Variants in ANKAR observed in about 807,000 individuals in gnomAD.
ANKAR encodes the protein ankyrin and armadillo repeat containing, also known as ankyrin and armadillo repeat-containing protein.
Under a neutral mutation model 146.2 loss-of-function variants are expected in ANKAR, and 136 were observed. The observed-to-expected ratio is 0.93, with a 90% CI of 0.81 to 1.07. The LOEUF (loss-of-function observed/expected upper bound fraction) is 1.07, where lower values mean the gene tolerates loss of function less well. Ranked by LOEUF, ANKAR falls within the 50% of genes least tolerant of loss-of-function variation. The pLI is 0.00. For missense variants in ANKAR, 1,567 were observed against 1,679.9 expected (o/e 0.93, Z 1.18); for synonymous variants, 500 against 575.8 (o/e 0.87, Z 1.88).
chr2:189,759,950 G>A (rs1017858071), intron 18 of ANKAR, among the ~76,000 whole-genome samples: 1 of 151,952 alleles, frequency 6.6e-6, no homozygotes, highest in African/African-American at 2.4e-5. Context: ...ATTAGGGAGT[G>A]GTGATGACTC....
intron 18 of ANKAR, among the ~76,000 whole-genome samples, chr2:189,757,622 T>C (rs890243158): frequency 2.6e-5 from 4 of 152,216 alleles, no homozygotes; most frequent in African/African-American, 9.6e-5. Flanking sequence ...GTATCAAATG[T>C]AGTAAATGGT....
intron 18 of ANKAR, among the ~76,000 whole-genome samples, chr2:189,757,020 A>G (rs187823454): frequency 3.9e-4 from 59 of 152,266 alleles, no homozygotes; most frequent in Admixed American, 1.4e-3. Context: ...ATTATGCTAA[A>G]CACTAGGGCC....
chr2:189,675,672 A>G (rs778002845), intron 1 of ANKAR, among the ~76,000 whole-genome samples: 2 of 152,166 alleles, frequency 1.3e-5, no homozygotes, highest in Non-Finnish European at 2.9e-5. Context: ...CATGCAGGTC[A>G]GTATAGTCTT....
chr2:189,720,769 TTTCTGAG>T lies in ANKAR; in HGVS notation c.2624_2630del (p.Ser875IlefsTer5), dbSNP rs760423252. ...TAAAGGCCTCCCATATCTTATCAGA[TTTCTGAG>T]TTCTGATTCAGGTGAGCTTCTATCT... On this transcript the variant is annotated frameshift_variant, in exon 12 of 23. Coordinates refer to ENST00000684021, the MANE Select transcript of ANKAR (RefSeq NM_001378068.1). LOFTEE classifies it high-confidence loss of function. 2.0e-6 allele frequency: 3 copies of T among 1,495,018 alleles called. No homozygotes were observed. The highest frequency in any genetic ancestry group is 2.7e-6 in the Non-Finnish European group (3 of 1,128,854). 92.6% of individuals were successfully genotyped at this position (1,495,018 alleles called of 1,614,324 possible). A position where few individuals can be genotyped will look rare whatever the true frequency, so the allele number is the denominator to read the frequency against.
At chr2:189,753,757 G>C (rs930654313) in intron 18 of ANKAR, among the ~76,000 whole-genome samples, 7 of 152,272 alleles carry the variant, frequency 4.6e-5, no homozygotes, top group African/African-American at 1.7e-4. Context: ...ACTAGTACAA[G>C]AAATGGCTGT....
chr2:189,738,996 A>T (rs1030324421), intron 19 of ANKAR, among the ~76,000 whole-genome samples: 5 of 152,222 alleles, frequency 3.3e-5, no homozygotes, highest in South Asian at 2.1e-4. Flanking sequence ...AGCAAAATAA[A>T]AAAACTGATT....
chr2:189,743,012 CTT>C (rs113651969), intron 20 of ANKAR, among the ~76,000 whole-genome samples: 2 of 129,868 alleles, frequency 1.5e-5, no homozygotes, highest in Non-Finnish European at 3.3e-5. Context: ...AGTTGGTGGG[CTT>C]TTTTTTTTTT....
chr2:189,738,021 A>G (rs971542352), intron 18 of ANKAR, among the ~76,000 whole-genome samples, 180 bp downstream of exon 18: 1 of 152,190 alleles, frequency 6.6e-6, no homozygotes, highest in African/African-American at 2.4e-5. Context: ...CTTCATTAAT[A>G]CAGAATTTTA....
At chr2:189,754,358 C>T (rs1439102677) in intron 18 of ANKAR, 1 of 1,581,112 alleles carries the variant, frequency 6.3e-7, no homozygotes, top group Non-Finnish European at 8.6e-7. Context: ...ATCAAAGAAA[C>T]ATATTTTTTA....
At chr2:189,736,946 C>T (rs766938640) in intron 17 of ANKAR, among the ~76,000 whole-genome samples, 21 of 151,802 alleles carry the variant, frequency 1.4e-4, no homozygotes, top group African/African-American at 3.4e-4. Flanking sequence ...TGGTGGCACA[C>T]GCCTTTGGTC....
intron 7 of ANKAR, among the ~76,000 whole-genome samples, chr2:189,699,793 T>C (rs1260483452): frequency 3.3e-5 from 5 of 152,066 alleles, no homozygotes; most frequent in Non-Finnish European, 7.4e-5. Context: ...CAGCCTCCCA[T>C]GTAGCTGGGA....
intron 21 of ANKAR, 135 bp from the exon 22 acceptor site, chr2:189,744,607 G>T (rs2043788714): frequency 3.5e-6 from 2 of 565,174 alleles, no homozygotes; most frequent in Non-Finnish European, 6.3e-6. Flanking sequence ...TGCAGAGTTA[G>T]TGGAGGTAAC....
chr2:189,705,269 C>T, intron 8 of ANKAR, 45 bp downstream of exon 8: 3 of 1,400,624 alleles, frequency 2.1e-6, no homozygotes, highest in Non-Finnish European at 2.8e-6. Flanking sequence ...GATGTCTAGG[C>T]AATAATAAAA....
chr2:189,692,351 A>G lies in ANKAR; in HGVS notation c.1136A>G (p.His379Arg), dbSNP rs149150249. The change falls in exon 4 of 23, where the codon CAT becomes CGT. Residue 379 changes from histidine to arginine, a missense_variant. Transcript: ENST00000684021. ...NFHYKENQYF[H>R]VHGGIEFDIS... is the part of the protein sequence containing the mutation. ...CACTACAAAGAGAATCAATATTTTC[A>G]TGTTCATGGAGGAATTGAATTTGAT... is the stretch of plus-strand genomic sequence containing the variant. 4 of 1,613,140 alleles carry G rather than the reference A, an allele frequency of 2.5e-6. No individual in the cohort carries two copies. In the African/African-American group the frequency reaches 4.0e-5, roughly 16 times the overall value.
intron 5 of ANKAR, among the ~76,000 whole-genome samples, chr2:189,693,511 G>A (rs2036739799): frequency 6.6e-6 from 1 of 152,148 alleles, no homozygotes; most frequent in African/African-American, 2.4e-5. Context: ...ATTGGACACT[G>A]AAATTTGGAA....
chr2:189,739,756 G>T (rs1213164815), intron 19 of ANKAR, among the ~76,000 whole-genome samples: 2 of 151,972 alleles, frequency 1.3e-5, no homozygotes, highest in Non-Finnish European at 2.9e-5. Flanking sequence ...TAGAGATGGG[G>T]TTTCACCATG....
intron 7 of ANKAR, among the ~76,000 whole-genome samples, chr2:189,697,463 A>G (rs2037389095): frequency 6.6e-6 from 1 of 152,166 alleles, no homozygotes; most frequent in African/African-American, 2.4e-5. Flanking sequence ...TTAAATTTTT[A>G]CAGACGCCAA....
chr2:189,717,642 G>A (rs1452802267), intron 10 of ANKAR, among the ~76,000 whole-genome samples: 1 of 152,078 alleles, frequency 6.6e-6, no homozygotes, highest in African/African-American at 2.4e-5. Context: ...GCACACATAG[G>A]TTTACTGTGG....
intron 9 of ANKAR, among the ~76,000 whole-genome samples, chr2:189,708,779 T>C (rs1293325682): frequency 6.6e-6 from 1 of 152,206 alleles, no homozygotes; most frequent in Admixed American, 6.5e-5. Flanking sequence ...GGTTCAGTAC[T>C]ATCCTCCGTT....
Sources: allele counts gnomAD v4.1 joint callset (sites outside exome capture counted in the v4.1 genomes callset), GRCh38; gene constraint gnomAD v4.1.1; transcripts MANE v1.5; gene names NCBI Gene and HGNC (gene_info 2026-07-23, HGNC 2026-07-21).